Variants in HHIP observed in about 807,000 individuals in gnomAD.
HHIP encodes hedgehog interacting protein.
HHIP carries 12 observed loss-of-function variants against 74.0 expected under a neutral mutation model. That is an observed-to-expected ratio of 0.16 (90% CI 0.10 to 0.26). The LOEUF is 0.26. HHIP is among the 10% of genes least tolerant of loss of function. The pLI is 1.00. For synonymous variants in HHIP, 309 were observed against 311.6 expected (o/e 0.99, Z 0.09); for missense variants, 788 against 845.0 (o/e 0.93, Z 0.84).
At chr4:144,675,086 T>C (rs535687000) in intron 4 of HHIP, among the ~76,000 whole-genome samples, 2 of 152,332 alleles carry the variant, frequency 1.3e-5, no homozygotes, top group South Asian at 4.1e-4. Flanking sequence ...CCTAATAAAA[T>C]GCTTAACCTA....
chr4:144,736,736 A>G (rs1463417289), intron 12 of HHIP, among the ~76,000 whole-genome samples: 1 of 152,248 alleles, frequency 6.6e-6, no homozygotes, highest in Admixed American at 6.5e-5. Context: ...AACATTTACC[A>G]AAACCATTTT....
intron 4 of HHIP, among the ~76,000 whole-genome samples, chr4:144,693,978 G>A (rs1488394512): frequency 1.3e-5 from 2 of 151,708 alleles, no homozygotes; most frequent in Non-Finnish European, 2.9e-5. Context: ...TGATATTTTG[G>A]AATAAGAATA....
At chr4:144,673,769 C>A (rs1729105517) in intron 4 of HHIP, among the ~76,000 whole-genome samples, 1 of 152,064 alleles carries the variant, frequency 6.6e-6, no homozygotes. Context: ...AATAAAGTAC[C>A]TATAATTCAC....
At chr4:144,698,189 T>A (rs1034842122) in intron 4 of HHIP, among the ~76,000 whole-genome samples, 1 of 152,152 alleles carries the variant, frequency 6.6e-6, no homozygotes, top group African/African-American at 2.4e-5. Context: ...TCCAATGTTA[T>A]CTGAAGCAGG....
At chr4:144,706,464 TCCA>T in intron 4 of HHIP, 64 bp from the exon 5 acceptor site, 1 of 1,278,170 alleles carries the variant, frequency 7.8e-7, no homozygotes, top group East Asian at 2.6e-5. Flanking sequence ...CTTTTGGGGT[TCCA>T]GTTGAAACAC....
At chr4:144,668,439 T>G (rs1479828064) in intron 4 of HHIP, among the ~76,000 whole-genome samples, 1 of 151,696 alleles carries the variant, frequency 6.6e-6, no homozygotes, top group Non-Finnish European at 1.5e-5. Context: ...CAGTGAAATG[T>G]GCTGAAGATC....
intron 4 of HHIP, among the ~76,000 whole-genome samples, chr4:144,686,587 T>A (rs1729492740): frequency 6.6e-6 from 1 of 152,132 alleles, no homozygotes; most frequent in Non-Finnish European, 1.5e-5. Context: ...TAGGAAATGT[T>A]ACTAAAAGAA....
At position 144,743,290 on chromosome 4, in the gene HHIP, T is replaced by C. The variant is rs1362507120; in HGVS notation, c.*5333T>C. On this transcript the variant is annotated 3_prime_UTR_variant, in exon 13 of 13. Transcript: ENST00000296575. ...TTGTTCACTTATGAGATTAGGACTTTTCTTAAATTCCTCATTAAATATGAA... is the reference window on the plus strand; with the variant it reads ...TTGTTCACTTATGAGATTAGGACTTCTCTTAAATTCCTCATTAAATATGAA... 6.6e-6 allele frequency: 1 copy of C among 151,590 alleles called. No individual in the cohort carries two copies. Among genetic ancestry groups the C allele is most frequent in the Non-Finnish European group, 1.5e-5 (1 of 67,864 alleles). The allele number at this position is 151,590 out of a possible 1,614,324, so 9.4% of individuals were successfully genotyped here.
Position 144,698,314 on chromosome 4 carries a change from G to A in HHIP, c.832-8217G>A, listed in dbSNP as rs539602866. Among the ~76,000 whole-genome samples, 48 of 152,190 alleles carry A rather than the reference G, an allele frequency of 3.2e-4. No individual in the cohort carries two copies. The South Asian group carries it at 7.3e-3, about 23-fold the overall frequency. ...GCATAAAGACATTTGAGTCAACAAC[G>A]GACCACATATACAATGGTGGTCCCA... On this transcript the variant is annotated intron_variant, in intron 4 of 12. Transcript: ENST00000296575.
intron 1 of HHIP, chr4:144,650,874 A>G (rs1728401501): frequency 6.6e-6 from 1 of 152,148 alleles, no homozygotes; most frequent in East Asian, 1.9e-4. Flanking sequence ...CTCTTCCTGG[A>G]TAGCAGCTGA....
intron 4 of HHIP, among the ~76,000 whole-genome samples, chr4:144,689,524 T>C (rs1438715388): frequency 1.3e-5 from 2 of 152,212 alleles, no homozygotes; most frequent in Non-Finnish European, 2.9e-5. Context: ...AAAAAGAACA[T>C]GGTGGTAAAG....
intron 4 of HHIP, among the ~76,000 whole-genome samples, chr4:144,687,277 T>C (rs1729518503): frequency 6.6e-6 from 1 of 152,016 alleles, no homozygotes; most frequent in South Asian, 2.1e-4. Context: ...AAATAGAGAG[T>C]TTTGGAGTAC....
intron 4 of HHIP, among the ~76,000 whole-genome samples, chr4:144,701,118 G>A (rs1729969663): frequency 6.6e-6 from 1 of 152,068 alleles, no homozygotes; most frequent in Non-Finnish European, 1.5e-5. Context: ...ATCTTATAGG[G>A]AATTCAAAAT....
rs368002793 is a variant in HHIP at position 144,646,800 on chromosome 4, G to C, written c.125G>C (p.Gly42Ala). 1.5e-5 allele frequency: 24 copies of C among 1,614,092 alleles called. No individual in the cohort carries two copies. Among genetic ancestry groups the C allele is most frequent in the Non-Finnish European group, 1.9e-5 (23 of 1,180,048 alleles). The part of the protein sequence containing the change: ...SGARRRRCLN[G>A]NPPKRLKRRD... ...GCAAGGAGGAGAAGGTGCCTGAATG[G>C]GAACCCCCCGAAGCGCCTGAAAAGG... Residue 42 changes from glycine (G) to alanine (A), a missense_variant, in exon 1 of 13, where the codon GGG (glycine) becomes GCG (alanine). Around this residue, in one of 3 missense-constraint regions of HHIP, gnomAD observed 373 missense variants for 366.4 expected, o/e 1.02. Transcript: ENST00000296575.
chr4:144,722,568 T>C (rs577628431), intron 11 of HHIP, among the ~76,000 whole-genome samples: 1 of 152,198 alleles, frequency 6.6e-6, no homozygotes, highest in East Asian at 1.9e-4. Flanking sequence ...GAATGCTCAG[T>C]AGAGCCAGGT....
intron 4 of HHIP, among the ~76,000 whole-genome samples, chr4:144,686,725 C>T (rs758086007): frequency 5.3e-5 from 8 of 152,238 alleles, no homozygotes; most frequent in Non-Finnish European, 8.8e-5. Flanking sequence ...AAGACCTACA[C>T]GTCTCTAAGT....
intron 4 of HHIP, among the ~76,000 whole-genome samples, chr4:144,684,415 C>T (rs1358656412): frequency 2.0e-5 from 3 of 150,256 alleles, no homozygotes; most frequent in South Asian, 2.1e-4. Flanking sequence ...CTCGCCACCA[C>T]GCCCGGCTAT....
At position 144,744,987 on chromosome 4, in the gene HHIP, T is replaced by C. The variant is rs2068743593; in HGVS notation, c.*7030T>C. ...AAACACTACATATGTATACACACTATCTATGTAAAATATAATATATGTATA... is the reference window on the plus strand; with the variant it reads ...AAACACTACATATGTATACACACTACCTATGTAAAATATAATATATGTATA... On this transcript the variant is annotated 3_prime_UTR_variant, in exon 13 of 13. Coordinates refer to ENST00000296575, the MANE Select transcript of HHIP (RefSeq NM_022475.3). The C allele has an allele frequency of 6.6e-6, 1 of 152,178 alleles. No homozygotes were observed. Among genetic ancestry groups the C allele is most frequent in the Non-Finnish European group, 1.5e-5 (1 of 68,030 alleles). The allele number at this position is 152,178 out of a possible 1,614,324, so 9.4% of individuals were successfully genotyped here.
At chr4:144,647,666 T>A (rs1221347865) in intron 1 of HHIP, among the ~76,000 whole-genome samples, 1 of 151,078 alleles carries the variant, frequency 6.6e-6, no homozygotes, top group Non-Finnish European at 1.5e-5. Flanking sequence ...AGTAATGGCA[T>A]TTACGTTATC....
Sources: allele counts gnomAD v4.1 joint callset (sites outside exome capture counted in the v4.1 genomes callset), GRCh38; gene constraint gnomAD v4.1.1; regional missense constraint gnomAD v4.1.1; transcripts MANE v1.5; gene names NCBI Gene and HGNC (gene_info 2026-07-23, HGNC 2026-07-21).